CFAP53: variants seen among roughly 807,000 people sequenced by gnomAD.
CFAP53 encodes the protein cilia and flagella associated protein 53.
CFAP53 carries 62 observed loss-of-function variants against 59.7 expected under a neutral mutation model. The ratio of observed to expected loss-of-function variants is 1.04; its 90% CI spans 0.85 to 1.28. The LOEUF (loss-of-function observed/expected upper bound fraction) is 1.28. Ranked by LOEUF, CFAP53 falls within the 50% of genes most tolerant of loss-of-function variation. CFAP53 has a pLI of 0.00. For synonymous variants in CFAP53, 218 were observed against 205.7 expected, an observed-to-expected ratio of 1.06 and a Z score of -0.51; for missense variants, 629 against 615.6, an observed-to-expected ratio of 1.02 and a Z score of -0.23.
chr18:50,248,783 T>TA (rs748223121), intron 5 of CFAP53, among the ~76,000 whole-genome samples: 1,048 of 58,128 alleles, frequency 0.018, 7 homozygotes, highest in Middle Eastern at 0.038. Context: ...AGACTCCGCC[T>TA]AAAAAAAAAA....
chr18:50,238,544 G>A, intron 7 of CFAP53, 59 bp downstream of exon 7: 1 of 1,182,396 alleles, frequency 8.5e-7, no homozygotes, highest in Non-Finnish European at 1.2e-6. Context: ...GAGCCACCAT[G>A]GCTAGCCAAA....
At chr18:50,244,113 C>T (rs989091652) in intron 5 of CFAP53, among the ~76,000 whole-genome samples, 5 of 152,156 alleles carry the variant, frequency 3.3e-5, no homozygotes, top group Non-Finnish European at 7.3e-5. Context: ...TGGCTACTGC[C>T]ATGTTGCAGT....
At chr18:50,232,788 G>C (rs1449065461) in intron 7 of CFAP53, among the ~76,000 whole-genome samples, 1 of 152,242 alleles carries the variant, frequency 6.6e-6, no homozygotes, top group African/African-American at 2.4e-5. Context: ...ATAAACAAAA[G>C]TGGCAGGGGT....
chr18:50,253,675 T>A (rs576561496), intron 3 of CFAP53, among the ~76,000 whole-genome samples: 53 of 152,324 alleles, frequency 3.5e-4, no homozygotes, highest in African/African-American at 1.2e-3. Context: ...TGTCCTTGGT[T>A]TACAGATGAG....
intron 7 of CFAP53, among the ~76,000 whole-genome samples, chr18:50,236,327 GTCT>G (rs1270368826): frequency 6.6e-6 from 1 of 152,148 alleles, no homozygotes; most frequent in African/African-American, 2.4e-5. Context: ...ACCTACAACT[GTCT>G]TGGTAAATTC....
In CFAP53 at chr18:50,240,397, A is replaced by T. The variant is rs1211441584; in HGVS notation, c.1214-1692T>A. On this transcript the variant is annotated intron_variant, in intron 6 of 7. Coordinates refer to ENST00000398545, the MANE Select transcript of CFAP53 (RefSeq NM_145020.5). ...ATTCCATAACCATTTTTCCTGCCAA[A>T]CCACTCACCCCATCACTCTCTTTAA... Among the ~76,000 whole-genome samples the T allele has an allele frequency of 2.0e-5, 3 of 152,294 alleles. No individual in the cohort carries two copies. In the East Asian group the frequency reaches 5.8e-4, roughly 29 times the overall value.
chr18:50,265,222 C>T (rs192190954), intron 1 of CFAP53, among the ~76,000 whole-genome samples: 2 of 152,232 alleles, frequency 1.3e-5, no homozygotes, highest in African/African-American at 4.8e-5. Context: ...GCTTTTTGAG[C>T]ACCCACATGA....
intron 7 of CFAP53, 63 bp from the exon 8 acceptor site, chr18:50,227,672 C>G (rs1196242620): frequency 8.4e-7 from 1 of 1,196,774 alleles, no homozygotes; most frequent in African/African-American, 1.5e-5. Flanking sequence ...TTATTCAGAG[C>G]ATTACAATTA....
At chr18:50,255,576 CA>C (rs71169497) in intron 3 of CFAP53, among the ~76,000 whole-genome samples, 5 of 150,194 alleles carry the variant, frequency 3.3e-5, no homozygotes, top group Admixed American at 6.6e-5. Flanking sequence ...AAATTAAATA[CA>C]AAAAAAAACC....
intron 5 of CFAP53, among the ~76,000 whole-genome samples, chr18:50,247,333 C>G (rs2033754729): frequency 6.6e-6 from 1 of 152,112 alleles, no homozygotes; most frequent in Non-Finnish European, 1.5e-5. Context: ...GTGGATAAAT[C>G]AAAACCCTCA....
intron 6 of CFAP53, among the ~76,000 whole-genome samples, chr18:50,239,112 G>A (rs2033664263): frequency 1.3e-5 from 2 of 150,300 alleles, no homozygotes; most frequent in South Asian, 4.2e-4. Context: ...TCTTGGCTGG[G>A]CACAATGCCT....
chr18:50,230,577 A>G (rs1175227543), intron 7 of CFAP53, among the ~76,000 whole-genome samples: 3 of 152,178 alleles, frequency 2.0e-5, no homozygotes, highest in Admixed American at 1.3e-4. Context: ...ATTCTAGCAA[A>G]CTGTTGAACC....
chr18:50,248,710 G>A (rs571029255), intron 5 of CFAP53, among the ~76,000 whole-genome samples: 21 of 151,006 alleles, frequency 1.4e-4, no homozygotes, highest in Non-Finnish European at 2.4e-4. Flanking sequence ...ACTTGAACCC[G>A]GGAGGTGGAG....
chr18:50,251,911 C>A (rs2033805214), intron 3 of CFAP53, 127 bp from the exon 4 acceptor site: 14 of 817,618 alleles, frequency 1.7e-5, no homozygotes, highest in Non-Finnish European at 2.7e-5. Context: ...GCCATCGGAG[C>A]ACAGGAAACA....
At chr18:50,245,779 C>G (rs923736649) in intron 5 of CFAP53, among the ~76,000 whole-genome samples, 7 of 152,310 alleles carry the variant, frequency 4.6e-5, no homozygotes, top group Non-Finnish European at 7.4e-5. Flanking sequence ...CTTCCAGATA[C>G]CTGGACATGC....
At chr18:50,235,064 C>G (rs1341325056) in intron 7 of CFAP53, among the ~76,000 whole-genome samples, 2 of 152,054 alleles carry the variant, frequency 1.3e-5, no homozygotes, top group Non-Finnish European at 2.9e-5. Flanking sequence ...AGGCAGGAGG[C>G]ACCTGCATGC....
intron 7 of CFAP53, among the ~76,000 whole-genome samples, chr18:50,228,673 C>A (rs1281556256): frequency 6.6e-6 from 1 of 151,984 alleles, no homozygotes; most frequent in Non-Finnish European, 1.5e-5. Flanking sequence ...TGCCTGTAAT[C>A]CCAGCTACTC....
intron 5 of CFAP53, among the ~76,000 whole-genome samples, 178 bp downstream of exon 5, chr18:50,250,580 T>C (rs894332063): frequency 6.6e-6 from 1 of 152,214 alleles, no homozygotes; most frequent in Non-Finnish European, 1.5e-5. Flanking sequence ...TGGGAGATCC[T>C]GATTCTGGAG....
intron 7 of CFAP53, among the ~76,000 whole-genome samples, chr18:50,234,472 T>C (rs974072747): frequency 6.6e-6 from 1 of 152,212 alleles, no homozygotes; most frequent in Non-Finnish European, 1.5e-5. Context: ...CCCAGCCACA[T>C]TTGATCCCTG....
Sources: gnomAD v4.1 joint callset for allele counts (sites outside exome capture counted in the v4.1 genomes callset) on GRCh38, gnomAD v4.1.1 for gene constraint, MANE v1.5 for transcripts, NCBI Gene and HGNC (gene_info 2026-07-23, HGNC 2026-07-21) for gene names.